Variants in KLF12 observed in about 807,000 individuals in gnomAD.
KLF12 encodes KLF transcription factor 12.
Under a neutral mutation model 37.8 loss-of-function variants are expected in KLF12, and 9 were observed. The ratio of observed to expected loss-of-function variants is 0.24; its 90% confidence interval spans 0.14 to 0.42. The LOEUF (loss-of-function observed/expected upper bound fraction) is 0.42, where lower values mean the gene tolerates loss of function less well. Among genes scored for constraint, KLF12 ranks in the 10% least tolerant of loss-of-function variants. The probability of loss-of-function intolerance (pLI) is 1.00; values close to 1 mark genes in which losing one functional copy is unlikely to be tolerated. For missense variants in KLF12, 411 were observed against 516.0 expected, an observed-to-expected ratio of 0.80 and a Z score of 1.97; for synonymous variants, 208 against 202.1, an observed-to-expected ratio of 1.03 and a Z score of -0.25.
At chr13:73,805,942 T>C (rs1030089927) in intron 5 of KLF12, among the ~76,000 whole-genome samples, 3 of 151,854 alleles carry the variant, frequency 2.0e-5, no homozygotes, top group African/African-American at 7.3e-5. Flanking sequence ...GCAGCCGGGA[T>C]TACAGGTGCC....
intron 4 of KLF12, among the ~76,000 whole-genome samples, chr13:73,838,220 C>A (rs1458947662): frequency 6.6e-6 from 1 of 152,132 alleles, no homozygotes; most frequent in Non-Finnish European, 1.5e-5. Context: ...CAAATATAAC[C>A]AGCATGAGAC....
chr13:73,936,857 T>C (rs1037498048), intron 3 of KLF12, among the ~76,000 whole-genome samples: 1 of 152,156 alleles, frequency 6.6e-6, no homozygotes, highest in African/African-American at 2.4e-5. Flanking sequence ...CCACAAGAGT[T>C]AATCCTTTGT....
the KLF12 span, among the ~76,000 whole-genome samples, chr13:74,233,811 A>G: frequency 6.6e-6 from 1 of 152,252 alleles, no homozygotes; most frequent in African/African-American, 2.4e-5. Context: ...GCATTCCAAT[A>G]AATAACATGG....
chr13:74,179,172 T>C, the KLF12 span, among the ~76,000 whole-genome samples: 3 of 152,334 alleles, frequency 2.0e-5, no homozygotes, highest in South Asian at 6.2e-4. Context: ...TTGGACTTCA[T>C]GACCACAGGC....
chr13:73,852,767 A>C (rs1323694699), intron 3 of KLF12, among the ~76,000 whole-genome samples: 2 of 151,854 alleles, frequency 1.3e-5, no homozygotes, highest in Non-Finnish European at 2.9e-5. Flanking sequence ...ACAGAGCGAG[A>C]CTCCATCTCA....
intron 1 of KLF12, among the ~76,000 whole-genome samples, chr13:74,056,006 A>G (rs961416049): frequency 1.3e-5 from 2 of 152,232 alleles, no homozygotes; most frequent in Non-Finnish European, 2.9e-5. Flanking sequence ...TCCTCAACCC[A>G]GTTCAGGAAA....
intron 1 of KLF12, among the ~76,000 whole-genome samples, chr13:74,030,706 C>G (rs1365995345): frequency 1.3e-5 from 2 of 152,066 alleles, no homozygotes. Flanking sequence ...TTAATACAAG[C>G]CACAAAAGTA....
chr13:73,922,373 A>C (rs1028232554), intron 3 of KLF12, among the ~76,000 whole-genome samples: 1 of 152,200 alleles, frequency 6.6e-6, no homozygotes, highest in Non-Finnish European at 1.5e-5. Context: ...GATGAGCTTA[A>C]CATCTCAGCA....
chr13:74,061,738 T>G (rs1873603453), intron 1 of KLF12, among the ~76,000 whole-genome samples: 1 of 152,198 alleles, frequency 6.6e-6, no homozygotes. Flanking sequence ...GTCTTTAATT[T>G]GAAGGAAGCA....
At chr13:74,093,269 T>G (rs1438056816) in intron 1 of KLF12, among the ~76,000 whole-genome samples, 2 of 152,214 alleles carry the variant, frequency 1.3e-5, no homozygotes, top group Non-Finnish European at 2.9e-5. Context: ...AATATAATCT[T>G]GGAGGCAACA....
In KLF12 at chr13:73,923,720, C is replaced by T. The variant is rs138820058; in HGVS notation, c.123+20261G>A. ...AGATTGCTGTTAAGCATGAGAACCACCTGGGGAATCTGGTGAACACCCAGG... is the reference window on the plus strand; with the variant it reads ...AGATTGCTGTTAAGCATGAGAACCATCTGGGGAATCTGGTGAACACCCAGG... On this transcript the variant is annotated intron_variant, in intron 3 of 7. Coordinates refer to ENST00000377669, the MANE Select transcript of KLF12 (RefSeq NM_007249.5). Among the ~76,000 whole-genome samples the T allele has an allele frequency of 4.0e-3, 616 of 152,296 alleles. 5 individuals are homozygous for T. The highest frequency in any genetic ancestry group is 0.013 in the African/African-American group (555 of 41,550).
At chr13:73,849,716 T>C (rs1272704785) in intron 3 of KLF12, among the ~76,000 whole-genome samples, 1 of 152,212 alleles carries the variant, frequency 6.6e-6, no homozygotes, top group Non-Finnish European at 1.5e-5. Flanking sequence ...AAGAATTCCA[T>C]ACTAACATTT....
At chr13:74,041,314 A>G (rs1463140148) in intron 1 of KLF12, among the ~76,000 whole-genome samples, 1 of 152,172 alleles carries the variant, frequency 6.6e-6, no homozygotes, top group African/African-American at 2.4e-5. Flanking sequence ...TCATGTAGGT[A>G]TTTATTATGG....
the KLF12 span, among the ~76,000 whole-genome samples, chr13:74,301,717 T>A: frequency 6.6e-6 from 1 of 152,316 alleles, no homozygotes; most frequent in Non-Finnish European, 1.5e-5. Flanking sequence ...AGTTTAAATT[T>A]GTTCCTGCCT....
intron 1 of KLF12, among the ~76,000 whole-genome samples, chr13:74,089,100 A>C (rs1467347463): frequency 2.0e-5 from 3 of 152,174 alleles, no homozygotes; most frequent in Non-Finnish European, 4.4e-5. Context: ...ATCCAAGCTT[A>C]ACCTCCATGA....
intron 6 of KLF12, among the ~76,000 whole-genome samples, chr13:73,763,896 CTG>C (rs1422627692): frequency 6.6e-6 from 1 of 152,128 alleles, no homozygotes; most frequent in Non-Finnish European, 1.5e-5. Flanking sequence ...ATTTCCCCCT[CTG>C]TGAAAAAGAA....
chr13:74,055,949 C>T (rs1036480486), intron 1 of KLF12, among the ~76,000 whole-genome samples: 1 of 152,152 alleles, frequency 6.6e-6, no homozygotes, highest in Non-Finnish European at 1.5e-5. Flanking sequence ...GCAGAAGAAA[C>T]AGAAAGAAGC....
At chr13:74,255,742 T>C in the KLF12 span, among the ~76,000 whole-genome samples, 1 of 152,222 alleles carries the variant, frequency 6.6e-6, no homozygotes, top group Non-Finnish European at 1.5e-5. Flanking sequence ...ATCTACTGAC[T>C]GCTGCTGCTT....
At chr13:74,024,822 A>T (rs1189324108) in intron 1 of KLF12, among the ~76,000 whole-genome samples, 1 of 152,226 alleles carries the variant, frequency 6.6e-6, no homozygotes, top group Non-Finnish European at 1.5e-5. Flanking sequence ...CAAGTAATCT[A>T]ACAGATTTTC....
Sources: gnomAD v4.1 joint callset for allele counts (sites outside exome capture counted in the v4.1 genomes callset) on GRCh38, gnomAD v4.1.1 for gene constraint, MANE v1.5 for transcripts, NCBI Gene and HGNC (gene_info 2026-07-23, HGNC 2026-07-21) for gene names.